The following IQCK variants were observed in gnomAD, a reference collection of about 807,000 sequenced individuals.
The protein encoded by IQCK is IQ domain-containing protein K.
A neutral mutation model predicts 28.1 loss-of-function variants in IQCK; 29 were observed. The ratio of observed to expected loss-of-function variants is 1.03; its 90% CI spans 0.77 to 1.41. The LOEUF (loss-of-function observed/expected upper bound fraction) is 1.41, where lower values mean the gene tolerates loss of function less well. IQCK is among the 40% of genes most tolerant of loss of function. The pLI is 0.00. For missense variants in IQCK, 359 were observed against 314.7 expected (o/e 1.14, Z -1.07); for synonymous variants, 113 against 115.1 (o/e 0.98, Z 0.12).
intron 9 of IQCK, among the ~76,000 whole-genome samples, chr16:19,832,811 G>T (rs567381307): frequency 1.3e-5 from 2 of 152,100 alleles, no homozygotes; most frequent in Non-Finnish European, 2.9e-5. Flanking sequence ...AGCAAGGCAC[G>T]TCTTATATGG....
At chr16:19,826,686 T>C (rs2056154261) in intron 7 of IQCK, among the ~76,000 whole-genome samples, 1 of 152,106 alleles carries the variant, frequency 6.6e-6, no homozygotes, top group African/African-American at 2.4e-5. Context: ...CCAAGTGAAA[T>C]ATATTCTTAA....
chr16:19,845,799 G>A (rs899406283), intron 9 of IQCK, among the ~76,000 whole-genome samples: 3 of 152,176 alleles, frequency 2.0e-5, no homozygotes, highest in Non-Finnish European at 4.4e-5. Flanking sequence ...TTATAGCCGG[G>A]CATGGTGGCT....
At chr16:19,833,922 C>T (rs2056263794) in intron 9 of IQCK, among the ~76,000 whole-genome samples, 1 of 152,014 alleles carries the variant, frequency 6.6e-6, no homozygotes, top group African/African-American at 2.4e-5. Context: ...GAGACCCCGT[C>T]TCTACAAAAA....
chr16:19,852,048 C>T (rs567791143), intron 9 of IQCK, among the ~76,000 whole-genome samples: 13 of 152,294 alleles, frequency 8.5e-5, no homozygotes, highest in Admixed American at 5.2e-4. Flanking sequence ...ACTTCTGTAT[C>T]TGGAACAGGT....
intron 6 of IQCK, among the ~76,000 whole-genome samples, chr16:19,777,779 G>A (rs569517765): frequency 7.9e-5 from 12 of 152,262 alleles, no homozygotes; most frequent in African/African-American, 2.2e-4. Flanking sequence ...GGCCGGGCAC[G>A]GTGGCTCACG....
intron 1 of IQCK, among the ~76,000 whole-genome samples, chr16:19,722,710 G>C (rs886538469): frequency 2.0e-5 from 3 of 150,108 alleles, no homozygotes; most frequent in Non-Finnish European, 4.4e-5. Context: ...GCCCAGTCCA[G>C]CTTTTTTTTT....
Position 19,765,221 on chromosome 16 carries a change from C to CA in IQCK, c.605+1130dup, listed in dbSNP as rs756571642. 7.4e-3 allele frequency among the ~76,000 whole-genome samples: 466 copies of CA among 62,758 alleles called. 5 individuals carry two copies. Among genetic ancestry groups the CA allele is most frequent in the African/African-American group, 0.016 (295 of 18,100 alleles). The allele number at this position is 62,758 out of a possible 152,430, so 41.2% of individuals were successfully genotyped here. A position where few individuals can be genotyped will look rare whatever the true frequency, so the allele number is the denominator to read the frequency against. On this transcript the variant is annotated intron_variant, in intron 6 of 7. Coordinates refer to ENST00000564186, the Ensembl canonical transcript of IQCK. ...TGGGCGACAGAGTGAGACTCCATCT[C>CA]AAAAAAAAAAAAAAAAAAAAATCAG...
chr16:19,752,800 A>G (rs1293523441), intron 4 of IQCK, among the ~76,000 whole-genome samples: 1 of 152,070 alleles, frequency 6.6e-6, no homozygotes, highest in African/African-American at 2.4e-5. Context: ...CTCAGCTCAA[A>G]TGATCCACTT....
intron 1 of IQCK, among the ~76,000 whole-genome samples, chr16:19,728,308 G>T (rs1977723052): frequency 6.6e-6 from 1 of 152,084 alleles, no homozygotes; most frequent in Non-Finnish European, 1.5e-5. Flanking sequence ...GAGTGCAATG[G>T]TGAGATCTTG....
intron 7 of IQCK, among the ~76,000 whole-genome samples, chr16:19,792,839 A>G (rs2055636348): frequency 8.7e-6 from 1 of 114,788 alleles, no homozygotes; most frequent in Non-Finnish European, 1.6e-5. Flanking sequence ...TCGGCTTCCC[A>G]AAGTGCTGGG....
At chr16:19,858,283 A>G (rs1382347780) in exon 10 of IQCK, 1 of 411,740 alleles carries the variant, frequency 2.4e-6, no homozygotes, top group African/African-American at 2.0e-5. Context: ...AAGCCAAAAT[A>G]AAACAAAACC....
intron 9 of IQCK, among the ~76,000 whole-genome samples, chr16:19,843,345 C>T (rs2056382048): frequency 6.6e-6 from 1 of 152,164 alleles, no homozygotes; most frequent in Non-Finnish European, 1.5e-5. Flanking sequence ...AGAAACCCTA[C>T]ACCCTTTAGC....
At chr16:19,755,532 G>C (rs186793335) in intron 4 of IQCK, among the ~76,000 whole-genome samples, 1 of 152,170 alleles carries the variant, frequency 6.6e-6, no homozygotes, top group South Asian at 2.1e-4. Context: ...AATTAGGAGA[G>C]AACAGCAGAG....
At chr16:19,841,612 G>A (rs1309919829) in intron 9 of IQCK, among the ~76,000 whole-genome samples, 1 of 152,188 alleles carries the variant, frequency 6.6e-6, no homozygotes, top group Non-Finnish European at 1.5e-5. Context: ...GTTTATTTGT[G>A]TTAAAACAAC....
At chr16:19,730,743 GTCTA>G (rs373857609) in intron 2 of IQCK, among the ~76,000 whole-genome samples, 12 of 126,388 alleles carry the variant, frequency 9.5e-5, no homozygotes, top group East Asian at 2.1e-4. Context: ...CTGTCTGTCT[GTCTA>G]TCTATCTATC....
rs761503397 is a variant in IQCK at position 19,856,507 on chromosome 16, G to A, written c.823G>A (p.Asp275Asn). 5 of 1,613,760 alleles carry A rather than the reference G, an allele frequency of 3.1e-6. No homozygotes were observed. The South Asian group carries it at 4.4e-5, about 14-fold the overall frequency. ...TGCAGTGAAATGCAAAATGGAGGAC[G>A]ATGCAGTACCTGCAGCCAAGATGAA... The change falls in exon 10 of 10, where the codon GAT becomes AAT. Residue 275 changes from aspartate to asparagine, a missense_variant. Transcript: ENST00000320394.
downstream of IQCK, among the ~76,000 whole-genome samples, chr16:19,828,689 C>A (rs183493149): frequency 0.12 from 18,465 of 149,116 alleles, 1,564 homozygotes; most frequent in Non-Finnish European, 0.18. Flanking sequence ...CCAGCCTGGC[C>A]AACATGGTGA....
chr16:19,755,587 G>T (rs574579624), intron 4 of IQCK, among the ~76,000 whole-genome samples: 1 of 152,170 alleles, frequency 6.6e-6, no homozygotes. Flanking sequence ...AAGGAGCTGA[G>T]CTCCACATAA....
intron 7 of IQCK, among the ~76,000 whole-genome samples, chr16:19,810,214 C>T (rs60022646): frequency 0.14 from 21,481 of 152,068 alleles, 4,853 homozygotes; most frequent in African/African-American, 0.48. Context: ...TAGGGATGTT[C>T]GGCCAGGCGC....
Sources: allele counts gnomAD v4.1 joint callset (sites outside exome capture counted in the v4.1 genomes callset), GRCh38; gene constraint gnomAD v4.1.1; transcripts MANE v1.5; gene names NCBI Gene and HGNC (gene_info 2026-07-23, HGNC 2026-07-21).